Variants in RNF11 observed in about 807,000 individuals in gnomAD.
RNF11 encodes ring finger protein 11.
In RNF11, 4 loss-of-function variants were observed where a neutral mutation model predicts 15.8. That is an observed-to-expected ratio of 0.25 (90% CI 0.12 to 0.58). RNF11 has a LOEUF of 0.58. Among genes scored for constraint, RNF11 ranks in the 20% least tolerant of loss-of-function variants. The probability of loss-of-function intolerance (pLI) is 0.91; values close to 1 mark genes in which losing one functional copy is unlikely to be tolerated. For missense variants in RNF11, 139 were observed against 194.4 expected (o/e 0.71, Z 1.70); for synonymous variants, 68 against 72.3 (o/e 0.94, Z 0.30).
At position 51,272,420 on chromosome 1, in the gene RNF11, T is replaced by C. The variant is rs890692881; in HGVS notation, c.*1098T>C. The C allele has an allele frequency of 3.9e-5, 6 of 152,658 alleles. No homozygotes were observed. Among genetic ancestry groups the C allele is most frequent in the African/African-American group, 1.4e-4 (6 of 41,472 alleles). 9.5% of individuals were successfully genotyped at this position (152,658 alleles called of 1,614,324 possible). ...TGGAAAGGTATCTATTACATCCTGCTAGCTGACTGACAAAACTAAGCAGGG... is the reference window on the plus strand; with the variant it reads ...TGGAAAGGTATCTATTACATCCTGCCAGCTGACTGACAAAACTAAGCAGGG... On this transcript the variant is annotated 3_prime_UTR_variant, in exon 3 of 3. Coordinates refer to ENST00000242719, the MANE Select transcript of RNF11 (RefSeq NM_014372.5).
Position 51,270,016 on chromosome 1 carries a change from C to A in RNF11, c.184C>A (p.Leu62Met). 1 of 1,613,722 alleles carries A rather than the reference C, an allele frequency of 6.2e-7. No homozygotes were observed. The highest frequency in any genetic ancestry group is 8.5e-7 in the Non-Finnish European group (1 of 1,179,796). The change falls in exon 2 of 3, where the codon CTG becomes ATG. Residue 62 changes from leucine to methionine, a missense_variant. Physicochemically the swap from Leu to Met is conservative, Grantham distance 15. Coordinates refer to ENST00000242719, the MANE Select transcript of RNF11 (RefSeq NM_014372.5). Reference protein sequence around the residue: ...TPSQTRLATQLTEEEQIRIAQ... With the variant: ...TPSQTRLATQMTEEEQIRIAQ... ...TAGCCAGACTCGGCTAGCAACTCAGCTGACTGAAGAGGAACAAATTAGGAT... is the reference window on the plus strand; with the variant it reads ...TAGCCAGACTCGGCTAGCAACTCAGATGACTGAAGAGGAACAAATTAGGAT...
intron 1 of RNF11, among the ~76,000 whole-genome samples, chr1:51,247,346 G>T (rs538911456): frequency 6.6e-6 from 1 of 152,298 alleles, no homozygotes; most frequent in Admixed American, 6.5e-5. Context: ...CTCCCAAGTA[G>T]CTGGGACCAC....
intron 1 of RNF11, among the ~76,000 whole-genome samples, chr1:51,245,576 T>C (rs1311248028): frequency 6.6e-6 from 1 of 152,072 alleles, no homozygotes; most frequent in Admixed American, 6.6e-5. Context: ...CTCAGCCTCC[T>C]GAGTAGCTGG....
At chr1:51,250,563 C>T (rs866508336) in intron 1 of RNF11, 25 of 550,894 alleles carry the variant, frequency 4.5e-5, no homozygotes, top group African/African-American at 2.5e-4. Context: ...TTTTTTTTTA[C>T]GCTTAATTCG....
chr1:51,245,867 G>A (rs1286971391), intron 1 of RNF11, among the ~76,000 whole-genome samples: 1 of 152,194 alleles, frequency 6.6e-6, no homozygotes, highest in African/African-American at 2.4e-5. Flanking sequence ...CTTGAGGCAA[G>A]AAAAGAAATA....
intron 1 of RNF11, among the ~76,000 whole-genome samples, chr1:51,257,786 T>C (rs1207216996): frequency 1.3e-5 from 2 of 151,514 alleles, no homozygotes; most frequent in Non-Finnish European, 2.9e-5. Context: ...CCATTCTGAC[T>C]GATGAGATGG....
chr1:51,263,739 G>A (rs979061193), intron 1 of RNF11, among the ~76,000 whole-genome samples: 2 of 152,136 alleles, frequency 1.3e-5, no homozygotes, highest in African/African-American at 4.8e-5. Context: ...CCTAGGGCCG[G>A]GGAGTTTGGG....
chr1:51,256,717 G>A (rs556666498), intron 1 of RNF11, among the ~76,000 whole-genome samples: 1 of 152,206 alleles, frequency 6.6e-6, no homozygotes, highest in South Asian at 2.1e-4. Context: ...TGTCACCCAG[G>A]CTGGAGTACA....
rs1245365473 is a variant in RNF11, at chr1:51,257,853, C to CTTTTTTTTTTTTTTTTT, written c.124-12101_124-12085dup. ...CTTCTTATTTCTTTTCTTTTCTTTT[C>CTTTTTTTTTTTTTTTTT]TTTTTTTTTTTTTTTTTTGAGACAA... is the stretch of plus-strand genomic sequence containing the variant. On this transcript the variant is annotated intron_variant, in intron 1 of 2. Coordinates refer to ENST00000242719, the MANE Select transcript of RNF11 (RefSeq NM_014372.5). 2.7e-4 allele frequency among the ~76,000 whole-genome samples: 25 copies of CTTTTTTTTTTTTTTTTT among 91,242 alleles called. 1 individual carries two copies. Among genetic ancestry groups the CTTTTTTTTTTTTTTTTT allele is most frequent in the African/African-American group, 1.2e-3 (25 of 20,664 alleles). 59.9% of individuals were successfully genotyped at this position (91,242 alleles called of 152,430 possible).
Position 51,236,560 on chromosome 1 carries a change from G to A in RNF11, c.-197G>A. 2 of 280,638 alleles carry A rather than the reference G, an allele frequency of 7.1e-6. No homozygotes were observed. The highest frequency in any genetic ancestry group is 1.7e-4 in the East Asian group (1 of 6,058). 17.4% of individuals were successfully genotyped at this position (280,638 alleles called of 1,614,324 possible). A position where few individuals can be genotyped will look rare whatever the true frequency, so the allele number is the denominator to read the frequency against. On this transcript the variant is annotated 5_prime_UTR_variant, in exon 1 of 3. Transcript: ENST00000242719. ...CGCCGCGACCCCAGCGGAGCCCGCG[G>A]CCCAGCCTTGATCCCCCAACCCCGG...
chr1:51,239,981 A>G (rs1320540581), intron 1 of RNF11, among the ~76,000 whole-genome samples: 1 of 152,132 alleles, frequency 6.6e-6, no homozygotes, highest in African/African-American at 2.4e-5. Flanking sequence ...TAGGAAGTGT[A>G]TATTTCTTTC....
chr1:51,257,469 G>A (rs917560170), intron 1 of RNF11, among the ~76,000 whole-genome samples: 1 of 151,526 alleles, frequency 6.6e-6, no homozygotes, highest in South Asian at 2.1e-4. Context: ...TTGTTTTTTT[G>A]TTTTGGAGAT....
At chr1:51,255,991 T>G (rs1646902638) in intron 1 of RNF11, among the ~76,000 whole-genome samples, 1 of 152,204 alleles carries the variant, frequency 6.6e-6, no homozygotes, top group South Asian at 2.1e-4. Flanking sequence ...ACTGTCAATT[T>G]CTGCAAATGA....
chr1:51,241,588 TG>T lies in RNF11; in HGVS notation c.123+4714del, dbSNP rs776821065. Among the ~76,000 whole-genome samples, 3 of 152,188 alleles carry T rather than the reference TG, an allele frequency of 2.0e-5. No homozygotes were observed. The South Asian group carries it at 6.2e-4, about 32-fold the overall frequency. On this transcript the variant is annotated intron_variant, in intron 1 of 2. Coordinates refer to ENST00000242719, the MANE Select transcript of RNF11 (RefSeq NM_014372.5). ...GATATTTATGTAATGGGAAAGTACT[TG>T]GGGGAGAAAAAGAAAGTACTTGAAT...
In RNF11 at chr1:51,236,713, C is replaced by A. The variant is rs764022609; in HGVS notation, c.-44C>A. 6.2e-7 allele frequency: 1 copy of A among 1,606,096 alleles called. No homozygotes were observed. Among genetic ancestry groups the A allele is most frequent in the South Asian group, 1.1e-5 (1 of 90,280 alleles). On this transcript the variant is annotated 5_prime_UTR_variant, in exon 1 of 3. Coordinates refer to ENST00000242719, the MANE Select transcript of RNF11 (RefSeq NM_014372.5). Reference sequence around the variant, plus strand: ...CCGCGGAGTGTGCGAACGACCCCACCGCTGCTTTCTCCTCCCCCAGATCAC... The same window carrying A: ...CCGCGGAGTGTGCGAACGACCCCACAGCTGCTTTCTCCTCCCCCAGATCAC...
intron 1 of RNF11, among the ~76,000 whole-genome samples, chr1:51,241,551 A>G (rs1557676660): frequency 1.3e-5 from 2 of 152,230 alleles, no homozygotes; most frequent in African/African-American, 4.8e-5. Flanking sequence ...CCGTGTATAT[A>G]TATCACCGCA....
intron 1 of RNF11, among the ~76,000 whole-genome samples, chr1:51,257,848 C>CTTTTTTTTTTTT (rs201557519): frequency 1.2e-4 from 10 of 84,930 alleles, no homozygotes; most frequent in African/African-American, 4.1e-4. Context: ...CTTTTCTTTT[C>CTTTTTTTTTTTT]TTTTCTTTTT....
rs1646866316 is a variant in RNF11 at position 51,249,216 on chromosome 1, CA to C, written c.123+12338del. ...TAAATTTTAATTAAAATGTATTATACAGAAACTAGTGTATCTTTAACAGAAT... is the reference window on the plus strand; with the variant it reads ...TAAATTTTAATTAAAATGTATTATACGAAACTAGTGTATCTTTAACAGAAT... On this transcript the variant is annotated intron_variant, in intron 1 of 2. Transcript: ENST00000242719. 7.9e-5 allele frequency among the ~76,000 whole-genome samples: 12 copies of C among 152,280 alleles called. No individual in the cohort carries two copies. In the South Asian group the frequency reaches 2.5e-3, roughly 32 times the overall value.
At chr1:51,255,604 T>A (rs903062615) in intron 1 of RNF11, among the ~76,000 whole-genome samples, 2 of 152,204 alleles carry the variant, frequency 1.3e-5, no homozygotes, top group African/African-American at 4.8e-5. Flanking sequence ...AAGTGATTAA[T>A]CCTGATAAAA....
Sources: gnomAD v4.1 joint callset for allele counts (sites outside exome capture counted in the v4.1 genomes callset) on GRCh38, gnomAD v4.1.1 for gene constraint, MANE v1.5 for transcripts, NCBI Gene and HGNC (gene_info 2026-07-23, HGNC 2026-07-21) for gene names.